AP1S3: variants seen among roughly 807,000 people sequenced by gnomAD.
AP1S3 encodes the protein AP-1 complex subunit sigma-3.
AP1S3 carries 10 observed loss-of-function variants against 20.9 expected under a neutral mutation model. The observed-to-expected ratio is 0.48, with a 90% CI of 0.29 to 0.81. The LOEUF (loss-of-function observed/expected upper bound fraction) is 0.81, where lower values mean the gene tolerates loss of function less well. Among genes scored for constraint, AP1S3 ranks in the 30% least tolerant of loss-of-function variants. The pLI is 0.08. For missense variants in AP1S3, 154 were observed against 183.8 expected, an observed-to-expected ratio of 0.84 and a Z score of 0.94; for synonymous variants, 41 against 61.5, an observed-to-expected ratio of 0.67 and a Z score of 1.56.
At chr2:223,773,229 G>T in intron 3 of AP1S3, 1 of 1,234,792 alleles carries the variant, frequency 8.1e-7, no homozygotes, top group Non-Finnish European at 1.1e-6. Flanking sequence ...CATTATCACA[G>T]TTGGTTTAAT....
intron 1 of AP1S3, among the ~76,000 whole-genome samples, chr2:223,822,996 A>G (rs1692027875): frequency 6.6e-6 from 1 of 152,220 alleles, no homozygotes; most frequent in Non-Finnish European, 1.5e-5. Context: ...AAAAATGCTC[A>G]GCATCACTAA....
At chr2:223,779,437 A>C (rs748637207) in intron 1 of AP1S3, among the ~76,000 whole-genome samples, 2 of 152,190 alleles carry the variant, frequency 1.3e-5, no homozygotes, top group African/African-American at 2.4e-5. Flanking sequence ...AAAACCTTGA[A>C]GTTATGGTAT....
chr2:223,776,701 C>T (rs1574694742), intron 2 of AP1S3, among the ~76,000 whole-genome samples: 3 of 152,068 alleles, frequency 2.0e-5, no homozygotes, highest in Admixed American at 2.0e-4. Context: ...AATTATGTTA[C>T]CTCTCAGGCT....
chr2:223,790,334 C>G (rs1691186252), intron 1 of AP1S3, among the ~76,000 whole-genome samples: 1 of 151,234 alleles, frequency 6.6e-6, no homozygotes, highest in East Asian at 1.9e-4. Flanking sequence ...TGGGTTCAAG[C>G]AATTCTCCTA....
At chr2:223,808,798 G>A (rs774669512) in intron 1 of AP1S3, among the ~76,000 whole-genome samples, 3 of 152,128 alleles carry the variant, frequency 2.0e-5, no homozygotes, top group Non-Finnish European at 4.4e-5. Context: ...TTGAGCCCAG[G>A]AGTTCAAGAC....
Position 223,757,045 on chromosome 2 carries a change from A to ACCCGC in AP1S3, c.*1669_*1670insGCGGG. ...TTGCTCTGTCACCCGCCTGGAGTGC[A>ACCCGC]CTGGTATGACCTTGGCTCACTGCAA... is the stretch of plus-strand genomic sequence containing the variant. On this transcript the variant is annotated 3_prime_UTR_variant, in exon 5 of 5. Coordinates refer to ENST00000396654, the MANE Select transcript of AP1S3 (RefSeq NM_001039569.2). 1 of 961,320 alleles carries ACCCGC rather than the reference A, an allele frequency of 1.0e-6. No homozygotes were observed. 59.5% of individuals were successfully genotyped at this position (961,320 alleles called of 1,614,324 possible). A position where few individuals can be genotyped will look rare whatever the true frequency, so the allele number is the denominator to read the frequency against.
intron 1 of AP1S3, among the ~76,000 whole-genome samples, chr2:223,818,226 G>A (rs1040469127): frequency 6.6e-6 from 1 of 152,096 alleles, no homozygotes; most frequent in Admixed American, 6.6e-5. Context: ...AGCCCAGGCT[G>A]GGCAATATGG....
At chr2:223,808,434 A>AT (rs1451478096) in intron 1 of AP1S3, among the ~76,000 whole-genome samples, 2 of 152,102 alleles carry the variant, frequency 1.3e-5, no homozygotes, top group Non-Finnish European at 2.9e-5. Flanking sequence ...TGGGGATGGT[A>AT]TTTTTTTGGT....
chr2:223,778,785 C>A (rs113828598), intron 1 of AP1S3, among the ~76,000 whole-genome samples: 1 of 151,804 alleles, frequency 6.6e-6, no homozygotes, highest in African/African-American at 2.4e-5. Context: ...CAACCTCCCC[C>A]TCCCAGGTTC....
At position 223,772,946 on chromosome 2, in the gene AP1S3, G is replaced by A. The variant is rs1027962929; in HGVS notation, c.291+2955C>T. Among the ~76,000 whole-genome samples the A allele has an allele frequency of 4.6e-5, 7 of 152,136 alleles. No homozygotes were observed. The East Asian group carries it at 1.2e-3, about 25-fold the overall frequency. On this transcript the variant is annotated intron_variant, in intron 3 of 4. Coordinates refer to ENST00000396654, the MANE Select transcript of AP1S3 (RefSeq NM_001039569.2). ...TCTACTGGGCATATAGCCTTGAATT[G>A]CTCTTAGCTGCTCTTAGCTTAATGA...
At chr2:223,779,826 G>A (rs1341686708) in intron 1 of AP1S3, among the ~76,000 whole-genome samples, 2 of 152,012 alleles carry the variant, frequency 1.3e-5, no homozygotes, top group Non-Finnish European at 2.9e-5. Context: ...AATTAGCCAC[G>A]TGTGGTGGTG....
At chr2:223,790,763 G>T (rs183962648) in intron 1 of AP1S3, among the ~76,000 whole-genome samples, 3,053 of 152,244 alleles carry the variant, frequency 0.02, 102 homozygotes, top group African/African-American at 0.069. Context: ...AAAAATCTGT[G>T]TGTGTGTGTT....
rs1385072226 is a variant in AP1S3 at position 223,770,126 on chromosome 2, G to C, written c.292-4776C>G. 3.3e-6 allele frequency: 5 copies of C among 1,511,878 alleles called. No individual in the cohort carries two copies. In the African/African-American group the frequency reaches 7.1e-5, roughly 21 times the overall value. 93.7% of individuals were successfully genotyped at this position (1,511,878 alleles called of 1,614,324 possible). On this transcript the variant is annotated intron_variant, in intron 3 of 4. Coordinates refer to ENST00000396654, the MANE Select transcript of AP1S3 (RefSeq NM_001039569.2). ...TTTTTGCAGTTTTAAACAATAGAAAGAAACAAAAAGAAATCACAATAGATT... is the reference window on the plus strand; with the variant it reads ...TTTTTGCAGTTTTAAACAATAGAAACAAACAAAAAGAAATCACAATAGATT...
intron 1 of AP1S3, among the ~76,000 whole-genome samples, chr2:223,784,954 C>T (rs1318011181): frequency 6.6e-6 from 1 of 152,132 alleles, no homozygotes; most frequent in Non-Finnish European, 1.5e-5. Flanking sequence ...CATACAAAAA[C>T]AATAAAACTA....
intron 4 of AP1S3, 22 bp downstream of exon 4, chr2:223,765,191 T>C (rs1471340706): frequency 1.1e-5 from 18 of 1,594,394 alleles, no homozygotes; most frequent in East Asian, 2.2e-5. Flanking sequence ...CTTTCTCCCA[T>C]GGTTTGGGAA....
chr2:223,797,499 C>T (rs772317748), intron 1 of AP1S3, among the ~76,000 whole-genome samples: 3 of 152,222 alleles, frequency 2.0e-5, no homozygotes, highest in East Asian at 1.9e-4. Context: ...ACACAGCTCA[C>T]GCCTGTAATC....
intron 3 of AP1S3, among the ~76,000 whole-genome samples, chr2:223,775,198 A>C (rs1183613309): frequency 6.6e-6 from 1 of 152,052 alleles, no homozygotes; most frequent in Non-Finnish European, 1.5e-5. Flanking sequence ...GTAAAGATGG[A>C]CCCATGCTGT....
rs1159540962 is a variant in AP1S3 at position 223,757,988 on chromosome 2, C to T, written c.*727G>A. ...GCTGTATCTCTAGGTCTCTATAAAC[C>T]TTAATAAATATATAGTTCATAGAAA... is the stretch of plus-strand genomic sequence containing the variant. On this transcript the variant is annotated 3_prime_UTR_variant, in exon 5 of 5. Transcript: ENST00000396654. 1.0e-6 allele frequency: 1 copy of T among 965,952 alleles called. No homozygotes were observed. Among genetic ancestry groups the T allele is most frequent in the African/African-American group, 1.8e-5 (1 of 56,712 alleles). The allele number at this position is 965,952 out of a possible 1,614,324, so 59.8% of individuals were successfully genotyped here.
intron 3 of AP1S3, among the ~76,000 whole-genome samples, chr2:223,774,840 T>C (rs965698947): frequency 6.6e-6 from 1 of 152,068 alleles, no homozygotes; most frequent in Non-Finnish European, 1.5e-5. Context: ...GTAGATGAGT[T>C]TGGTTCTGGG....
Sources: allele counts gnomAD v4.1 joint callset (sites outside exome capture counted in the v4.1 genomes callset), GRCh38; gene constraint gnomAD v4.1.1; transcripts MANE v1.5; gene names NCBI Gene and HGNC (gene_info 2026-07-23, HGNC 2026-07-21).